DST: variants seen among roughly 807,000 people sequenced by gnomAD.
DST encodes bullous pemphigoid antigen.
DST carries 253 observed loss-of-function variants against 875.2 expected under a neutral mutation model. The ratio of observed to expected loss-of-function variants is 0.29; its 90% CI spans 0.26 to 0.32. The LOEUF is 0.32. DST is among the 10% of genes least tolerant of loss of function. DST has a pLI of 1.00. For synonymous variants in DST, 3,124 were observed against 3,197.1 expected (o/e 0.98, Z 0.77); for missense variants, 8,287 against 9,111.6 (o/e 0.91, Z 3.68).
rs912492990 is a variant in DST, at chr6:56,474,091, C to A, written c.21865-89G>T. The A allele has an allele frequency of 3.3e-5, 37 of 1,127,312 alleles. No individual in the cohort carries two copies. In the South Asian group the frequency reaches 5.3e-4, roughly 16 times the overall value. The allele number at this position is 1,127,312 out of a possible 1,614,324, so 69.8% of individuals were successfully genotyped here. A position where few individuals can be genotyped will look rare whatever the true frequency, so the allele number is the denominator to read the frequency against. On this transcript the variant is annotated intron_variant, in intron 92 of 103. Transcript: ENST00000680361. ...AACTAAAAGCAGAAGGATAAAAGAA[C>A]CATGTTATTATTTCTGAAGAAGAAT...
intron 2 of DST, among the ~76,000 whole-genome samples, chr6:56,939,401 T>G (rs910595084): frequency 6.6e-6 from 1 of 152,170 alleles, no homozygotes; most frequent in Non-Finnish European, 1.5e-5. Flanking sequence ...GAGAAGGACA[T>G]GGCAGAATTC....
chr6:56,865,289 G>C (rs558086627), intron 3 of DST, among the ~76,000 whole-genome samples: 2 of 151,434 alleles, frequency 1.3e-5, no homozygotes, highest in South Asian at 2.1e-4. Context: ...GTGTGTGTGT[G>C]TGTGTGTCTG....
At chr6:56,840,912 G>T (rs2099799184) in intron 4 of DST, among the ~76,000 whole-genome samples, 1 of 152,074 alleles carries the variant, frequency 6.6e-6, no homozygotes. Flanking sequence ...ATGATAACTT[G>T]GCAACCTGAT....
chr6:56,649,168 G>A (rs1055841297), intron 12 of DST, among the ~76,000 whole-genome samples: 1 of 152,152 alleles, frequency 6.6e-6, no homozygotes. Flanking sequence ...CAAACTACAG[G>A]AAATGTATAT....
At chr6:56,713,171 G>C (rs1171262240) in intron 5 of DST, among the ~76,000 whole-genome samples, 1 of 152,170 alleles carries the variant, frequency 6.6e-6, no homozygotes, top group African/African-American at 2.4e-5. Flanking sequence ...TGCAGGGCAT[G>C]GTATGATTCC....
intron 3 of DST, among the ~76,000 whole-genome samples, chr6:56,882,597 A>G (rs867097774): frequency 1.3e-5 from 2 of 152,346 alleles, no homozygotes; most frequent in Non-Finnish European, 1.5e-5. Context: ...CAAATAATCT[A>G]CCACTGAAAA....
At position 56,813,401 on chromosome 6, in the gene DST, AT is replaced by A. The variant is rs1219244052; in HGVS notation, c.625+37995del. On this transcript the variant is annotated intron_variant, in intron 4 of 103. Transcript: ENST00000680361. ...AAGTATAATAATAATAAAAAAAAAA[AT>A]AAAATAAAATGTCCACTTACGAAGC... 6.6e-5 allele frequency among the ~76,000 whole-genome samples: 10 copies of A among 151,942 alleles called. No homozygotes were observed. The East Asian group carries it at 1.2e-3, about 18-fold the overall frequency.
At chr6:56,624,714 C>A in intron 35 of DST, 86 bp from the exon 36 acceptor site, 1 of 876,328 alleles carries the variant, frequency 1.1e-6, no homozygotes, top group Non-Finnish European at 1.9e-6. Flanking sequence ...ATTACATTAA[C>A]TAGGCCTTCA....
chr6:56,620,440 C>G (rs760095271), intron 36 of DST: 1 of 1,614,180 alleles, frequency 6.2e-7, no homozygotes, highest in Non-Finnish European at 8.5e-7. Context: ...TTTCAAGTTC[C>G]CTGCGGTACT....
At chr6:56,851,677 C>A in intron 3 of DST, 73 bp from the exon 4 acceptor site, 1 of 1,557,034 alleles carries the variant, frequency 6.4e-7, no homozygotes, top group Non-Finnish European at 8.7e-7. Context: ...AACATCTCCC[C>A]CACCAACCAC....
At chr6:56,579,057 C>T in intron 49 of DST, 120 bp from the exon 50 acceptor site, 1 of 852,684 alleles carries the variant, frequency 1.2e-6, no homozygotes, top group East Asian at 2.8e-5. Flanking sequence ...TTTCATCATA[C>T]CAACTTTCAT....
intron 4 of DST, among the ~76,000 whole-genome samples, chr6:56,778,590 G>T (rs2099684773): frequency 7.5e-6 from 1 of 132,726 alleles, no homozygotes; most frequent in East Asian, 2.2e-4. Flanking sequence ...GTGTCCATGT[G>T]TTCTCATTGT....
Position 56,573,863 on chromosome 6 carries a change from T to A in DST, c.13052A>T (p.Asp4351Val), listed in dbSNP as rs2097818861. 6 of 1,612,934 alleles carry A rather than the reference T, an allele frequency of 3.7e-6. No homozygotes were observed. Among genetic ancestry groups the A allele is most frequent in the Non-Finnish European group, 5.1e-6 (6 of 1,179,328 alleles). Residue 4351 changes from aspartate to valine, a missense_variant, in exon 51 of 104, where the codon GAT becomes GTT. Transcript: ENST00000680361. ...TLDDIVGRYE[D>V]LSKSVNERNE... ...TCGTTCATTAACAGACTTGGACAGA[T>A]CCTCATATCTCCCAACAATGTCATC...
Position 56,581,124 on chromosome 6 carries a change from T to C in DST, c.12904-2187A>G, listed in dbSNP as rs959663826. ...GGAATGCCTGTTTTGGAATTCATGA[T>C]TTCAAAGTGCTTTTGGGACCCTCCT... On this transcript the variant is annotated intron_variant, in intron 49 of 103. Coordinates refer to ENST00000680361, the MANE Select transcript of DST (RefSeq NM_001374736.1). Among the ~76,000 whole-genome samples, 3 of 149,262 alleles carry C rather than the reference T, an allele frequency of 2.0e-5. No individual in the cohort carries two copies. In the South Asian group the frequency reaches 6.4e-4, roughly 32 times the overall value.
rs1372534199 is a variant in DST at position 56,517,539 on chromosome 6, C to T, written c.18211G>A (p.Glu6071Lys). The change falls in exon 70 of 104, where the codon GAG becomes AAG. Residue 6071 changes from glutamate to lysine, a missense_variant. Glu to Lys is a moderately conservative substitution (Grantham distance 56). Coordinates refer to ENST00000680361, the MANE Select transcript of DST (RefSeq NM_001374736.1). The stretch of plus-strand genomic sequence containing the variant: ...AGCTGAGCAGAAGTCTGGTCTTGCT[C>T]AAGCCTGATGTCACCCAGAGACATC... ...KLMSLGDIRL[E>K]QDQTSAQLQV... 6.2e-7 allele frequency: 1 copy of T among 1,613,218 alleles called. No individual in the cohort carries two copies. Among genetic ancestry groups the T allele is most frequent in the African/African-American group, 1.3e-5 (1 of 75,008 alleles).
Position 56,607,577 on chromosome 6 carries a change from CA to C in DST, c.7050del (p.Glu2351AsnfsTer47). 6.2e-7 allele frequency: 1 copy of C among 1,612,400 alleles called. No individual in the cohort carries two copies. The highest frequency in any genetic ancestry group is 2.2e-5 in the East Asian group (1 of 44,790). ...VPSLISYLTQ[T>X]ELADISMLRS... ...CTAAGCATGCTAATGTCTGCAAGTT[CA>C]GTCTGTGTTAAATATGATATGAGAC... On this transcript the variant is annotated frameshift_variant, in exon 40 of 104. Transcript: ENST00000680361. LOFTEE classifies it high-confidence loss of function.
chr6:56,690,564 C>T (rs1252733520), intron 9 of DST, among the ~76,000 whole-genome samples: 1 of 152,128 alleles, frequency 6.6e-6, no homozygotes, highest in African/African-American at 2.4e-5. Flanking sequence ...AAAAATTGTA[C>T]ACTATTCTAC....
At position 56,636,402 on chromosome 6, in the gene DST, G is replaced by GTA. The variant is rs375815463; in HGVS notation, c.3060+153_3060+154dup. Among the ~76,000 whole-genome samples the GTA allele has an allele frequency of 0.011, 1,638 of 149,690 alleles. 27 individuals carry two copies. The highest frequency in any genetic ancestry group is 0.038 in the African/African-American group (1,544 of 40,488). ...CACATATATGTGTATACGTATGTGT[G>GTA]TATATATATACACACATATATGTGT... On this transcript the variant is annotated intron_variant, in intron 23 of 103. Transcript: ENST00000680361.
At chr6:56,581,985 T>G (rs1466780938) in intron 49 of DST, among the ~76,000 whole-genome samples, 2 of 152,242 alleles carry the variant, frequency 1.3e-5, no homozygotes, top group Non-Finnish European at 2.9e-5. Flanking sequence ...AAAGCTTTTT[T>G]TTTCCACACG....
Sources: gnomAD v4.1 joint callset for allele counts (sites outside exome capture counted in the v4.1 genomes callset) on GRCh38, gnomAD v4.1.1 for gene constraint, MANE v1.5 for transcripts, NCBI Gene and HGNC (gene_info 2026-07-23, HGNC 2026-07-21) for gene names.